The following GALNT17 variants were observed in gnomAD, a reference collection of about 807,000 sequenced individuals.
GALNT17 encodes UDP-GalNAc:polypeptide N-acetylgalactosaminyltransferase-like 3.
GALNT17 carries 29 observed loss-of-function variants against 63.7 expected under a neutral mutation model. The observed-to-expected ratio is 0.46, with a 90% CI of 0.34 to 0.62. GALNT17 has a LOEUF of 0.62. Among genes scored for constraint, GALNT17 ranks in the 20% least tolerant of loss-of-function variants. The pLI is 0.01. For synonymous variants in GALNT17, 305 were observed against 318.3 expected, an observed-to-expected ratio of 0.96 and a Z score of 0.45; for missense variants, 603 against 799.6, an observed-to-expected ratio of 0.75 and a Z score of 2.97.
rs761988803 is a variant in GALNT17, at chr7:71,374,760, G to GGACTAAGC, written c.423-13474_423-13467dup. On this transcript the variant is annotated intron_variant, in intron 2 of 10. Coordinates refer to ENST00000333538, the MANE Select transcript of GALNT17 (RefSeq NM_022479.3). ...GATGGACTGAGATAAGACCAGGTTA[G>GGACTAAGC]GACTAAGCTGGACCTGGAGGGGCTG... Among the ~76,000 whole-genome samples the GGACTAAGC allele has an allele frequency of 9.9e-3, 1,509 of 152,034 alleles. 7 individuals are homozygous for GGACTAAGC. The highest frequency in any genetic ancestry group is 0.015 in the Non-Finnish European group (1,012 of 68,004).
chr7:71,326,662 T>G (rs1791710322), intron 1 of GALNT17, among the ~76,000 whole-genome samples: 1 of 152,220 alleles, frequency 6.6e-6, no homozygotes, highest in South Asian at 2.1e-4. Context: ...TAGAAATAGA[T>G]TTACTTACAT....
At chr7:71,257,348 T>C (rs1336084767) in intron 1 of GALNT17, among the ~76,000 whole-genome samples, 2 of 152,196 alleles carry the variant, frequency 1.3e-5, no homozygotes, top group Non-Finnish European at 1.5e-5. Flanking sequence ...TTATGAAATC[T>C]CCTGAAAGTT....
chr7:71,221,367 C>T (rs910826137), intron 1 of GALNT17, among the ~76,000 whole-genome samples: 3 of 146,094 alleles, frequency 2.1e-5, no homozygotes, highest in African/African-American at 7.5e-5. Flanking sequence ...TAACCTTATA[C>T]AGAATTACAG....
At chr7:71,559,996 C>A (rs1170345210) in intron 5 of GALNT17, among the ~76,000 whole-genome samples, 2 of 151,544 alleles carry the variant, frequency 1.3e-5, no homozygotes, top group East Asian at 1.9e-4. Flanking sequence ...GAGTTCGAGA[C>A]CAGCCTAGCC....
intron 6 of GALNT17, among the ~76,000 whole-genome samples, chr7:71,610,965 G>A (rs1311031781): frequency 2.7e-5 from 4 of 148,060 alleles, no homozygotes; most frequent in Non-Finnish European, 5.9e-5. Context: ...CAGCCTGAGC[G>A]GTGACAGAGC....
intron 1 of GALNT17, among the ~76,000 whole-genome samples, chr7:71,216,299 A>G (rs954484365): frequency 3.3e-5 from 5 of 152,166 alleles, no homozygotes; most frequent in Admixed American, 2.6e-4. Context: ...TCTGCTGTAC[A>G]CTTTGTAAAG....
chr7:71,274,532 G>A (rs181225692), intron 1 of GALNT17, among the ~76,000 whole-genome samples: 3 of 152,228 alleles, frequency 2.0e-5, no homozygotes, highest in East Asian at 1.9e-4. Flanking sequence ...CTTCTTCCAC[G>A]GCCTCCAAAA....
chr7:71,365,610 A>G (rs1414695737), intron 2 of GALNT17, among the ~76,000 whole-genome samples: 1 of 152,218 alleles, frequency 6.6e-6, no homozygotes, highest in African/African-American at 2.4e-5. Flanking sequence ...ACTGTATTGA[A>G]ATGTGCAGAT....
intron 1 of GALNT17, among the ~76,000 whole-genome samples, chr7:71,141,558 G>A (rs1787891979): frequency 6.6e-6 from 1 of 151,972 alleles, no homozygotes; most frequent in Admixed American, 6.6e-5. Context: ...GCAGTTGTAA[G>A]AATACAAACT....
At chr7:71,570,038 T>G (rs1789412708) in intron 5 of GALNT17, among the ~76,000 whole-genome samples, 1 of 152,058 alleles carries the variant, frequency 6.6e-6, no homozygotes, top group East Asian at 1.9e-4. Flanking sequence ...CTTGCCAACA[T>G]CTGGTGGGTT....
intron 6 of GALNT17, among the ~76,000 whole-genome samples, chr7:71,572,516 A>AAAC: frequency 1.0e-5 from 1 of 99,366 alleles, no homozygotes; most frequent in East Asian, 2.2e-4. Flanking sequence ...AAAAAAAAAA[A>AAAC]AAAAAAAAAA....
intron 6 of GALNT17, among the ~76,000 whole-genome samples, chr7:71,633,125 A>AG (rs1790479824): frequency 6.9e-6 from 1 of 144,346 alleles, no homozygotes; most frequent in Non-Finnish European, 1.5e-5. Flanking sequence ...AAAAAAAAAA[A>AG]GAAGGTTGAT....
In GALNT17 at chr7:71,468,915, A is replaced by G. The variant is rs1787582371; in HGVS notation, c.962+47810A>G. Among the ~76,000 whole-genome samples the G allele has an allele frequency of 2.0e-5, 3 of 152,348 alleles. No homozygotes were observed. In the South Asian group the frequency reaches 6.2e-4, roughly 32 times the overall value. Reference sequence around the variant, plus strand: ...ATTTGTTGAGTTCAGGGTCATGATCATAAATCCCAACAGAAGCTCTTGCCT... The same window carrying G: ...ATTTGTTGAGTTCAGGGTCATGATCGTAAATCCCAACAGAAGCTCTTGCCT... On this transcript the variant is annotated intron_variant, in intron 5 of 10. Transcript: ENST00000333538.
intron 1 of GALNT17, among the ~76,000 whole-genome samples, chr7:71,217,875 C>T (rs907726879): frequency 2.0e-5 from 3 of 151,680 alleles, no homozygotes; most frequent in Non-Finnish European, 4.4e-5. Flanking sequence ...TTGCAATGAG[C>T]CGAGATCGCA....
intron 9 of GALNT17, among the ~76,000 whole-genome samples, chr7:71,684,577 A>G (rs1316001781): frequency 6.6e-6 from 1 of 152,200 alleles, no homozygotes; most frequent in African/African-American, 2.4e-5. Flanking sequence ...AAAAATGCTG[A>G]CAATAAGACC....
intron 6 of GALNT17, among the ~76,000 whole-genome samples, chr7:71,633,386 T>C (rs1790484800): frequency 6.6e-6 from 1 of 152,132 alleles, no homozygotes; most frequent in Non-Finnish European, 1.5e-5. Context: ...AGGGGCAGAC[T>C]GAGGCTACGC....
chr7:71,458,879 T>G (rs1169349760), intron 5 of GALNT17, among the ~76,000 whole-genome samples: 2 of 151,972 alleles, frequency 1.3e-5, no homozygotes, highest in Non-Finnish European at 1.5e-5. Flanking sequence ...GGGGTTTATA[T>G]GGGTACAGGG....
chr7:71,443,126 C>T (rs1433985256), intron 5 of GALNT17, among the ~76,000 whole-genome samples: 2 of 152,174 alleles, frequency 1.3e-5, no homozygotes, highest in Non-Finnish European at 2.9e-5. Flanking sequence ...GAGAATGACT[C>T]AGGGCAGGTT....
At chr7:71,437,540 G>C (rs913486897) in intron 5 of GALNT17, among the ~76,000 whole-genome samples, 1 of 152,138 alleles carries the variant, frequency 6.6e-6, no homozygotes, top group African/African-American at 2.4e-5. Flanking sequence ...CTAGTTGGTC[G>C]GCTCTGCGTG....
Sources: gnomAD v4.1 joint callset for allele counts (sites outside exome capture counted in the v4.1 genomes callset) on GRCh38, gnomAD v4.1.1 for gene constraint, MANE v1.5 for transcripts, NCBI Gene and HGNC (gene_info 2026-07-23, HGNC 2026-07-21) for gene names.